CD99L2: variants seen among roughly 807,000 people sequenced by gnomAD.
The protein encoded by CD99L2 is CD99 molecule like 2.
In CD99L2, 24 loss-of-function variants were observed where a neutral mutation model predicts 27.3. That is an observed-to-expected ratio of 0.88 (90% CI 0.64 to 1.24). The LOEUF (loss-of-function observed/expected upper bound fraction) is 1.24. Among genes scored for constraint, CD99L2 ranks in the 50% most tolerant of loss-of-function variants. The pLI is 0.00. For synonymous variants in CD99L2, 97 were observed against 87.9 expected (o/e 1.10, Z -0.58); for missense variants, 255 against 221.6 (o/e 1.15, Z -0.96).
At chrX:150,895,226 C>T (rs1471957338) in intron 1 of CD99L2, among the ~76,000 whole-genome samples, 5 of 111,305 alleles carry the variant, frequency 4.5e-5, no homozygotes, top group Middle Eastern at 9.3e-3. Context: ...AAGATTACTA[C>T]CCATCCACAT....
chrX:150,780,514 G>C (rs1831431747), intron 7 of CD99L2, among the ~76,000 whole-genome samples: 1 of 112,062 alleles, frequency 8.9e-6, no homozygotes, highest in Non-Finnish European at 1.9e-5. Context: ...GTTCATCGCA[G>C]TATTCATAAA....
intron 1 of CD99L2, among the ~76,000 whole-genome samples, chrX:150,860,042 G>A (rs1022630462): frequency 9.0e-6 from 1 of 110,782 alleles, no homozygotes; most frequent in Non-Finnish European, 1.9e-5. Context: ...AAAACTACAG[G>A]CCAATATCCC....
chrX:150,887,208 G>A (rs1251313755), intron 1 of CD99L2, among the ~76,000 whole-genome samples: 1 of 109,373 alleles, frequency 9.1e-6, no homozygotes, highest in Non-Finnish European at 1.9e-5. Context: ...CACTTTGGGA[G>A]GCCAAGGTGG....
chrX:150,832,095 T>C (rs1418688528), intron 1 of CD99L2, among the ~76,000 whole-genome samples: 2 of 111,998 alleles, frequency 1.8e-5, no homozygotes, highest in East Asian at 2.8e-4. Flanking sequence ...AGCAACAAAA[T>C]ACACACTCTT....
chrX:150,787,610 T>C (rs1165993416), intron 7 of CD99L2, among the ~76,000 whole-genome samples: 1 of 108,790 alleles, frequency 9.2e-6, no homozygotes, highest in Non-Finnish European at 1.9e-5. Context: ...ATGGATAAAG[T>C]TGGAAACCAT....
chrX:150,862,982 T>C (rs1455231522), intron 1 of CD99L2, among the ~76,000 whole-genome samples: 1 of 112,862 alleles, frequency 8.9e-6, no homozygotes, highest in African/African-American at 3.2e-5. Context: ...CTATATCCTG[T>C]TCTGCTAAAC....
At chrX:150,867,648 C>T (rs1423565098) in intron 1 of CD99L2, among the ~76,000 whole-genome samples, 1 of 110,331 alleles carries the variant, frequency 9.1e-6, no homozygotes, top group Non-Finnish European at 1.9e-5. Context: ...AATCCCAGCA[C>T]TTTGGGAGGC....
rs1195688468 is a variant in CD99L2, at chrX:150,778,673, T to TA, written c.497-1192dup. Among the ~76,000 whole-genome samples, 193 of 67,919 alleles carry TA rather than the reference T, an allele frequency of 2.8e-3. 1 individual carries two copies. Among genetic ancestry groups the TA allele is most frequent in the Middle Eastern group, 0.015 (2 of 130 alleles). The allele number at this position is 67,919 out of a possible 115,157, so 59.0% of individuals were successfully genotyped here. A position where few individuals can be genotyped will look rare whatever the true frequency, so the allele number is the denominator to read the frequency against. On this transcript the variant is annotated intron_variant, in intron 7 of 10. Transcript: ENST00000370377. ...ATGTACCCTACAACTTAAAGTATAA[T>TA]AAAAAAAAAAAAATATATATATATA...
rs1354974938 is a variant in CD99L2 at position 150,898,649 on chromosome X, A to C, written c.-61T>G. The C allele has an allele frequency of 1.0e-6, 1 of 988,918 alleles. No homozygotes were observed. Among genetic ancestry groups the C allele is most frequent in the Admixed American group, 4.5e-5 (1 of 22,363 alleles). The allele number at this position is 988,918 out of a possible 1,213,427, so 81.5% of individuals were successfully genotyped here. A position where few individuals can be genotyped will look rare whatever the true frequency, so the allele number is the denominator to read the frequency against. ...GTTAGCGCGAGAGCGCCCGAAGGGGAGGCCGAGGAGGAGCGGGAGGAGGAG... is the reference window on the plus strand; with the variant it reads ...GTTAGCGCGAGAGCGCCCGAAGGGGCGGCCGAGGAGGAGCGGGAGGAGGAG... On this transcript the variant is annotated 5_prime_UTR_variant, in exon 1 of 11. Transcript: ENST00000370377.
intron 10 of CD99L2, among the ~76,000 whole-genome samples, chrX:150,769,700 TCCCCGA>T (rs2043396091): frequency 1.3e-5 from 1 of 78,506 alleles, no homozygotes; most frequent in Admixed American, 1.7e-4. Context: ...CCTCGGCTGC[TCCCCGA>T]CCCCAGCAAG....
At chrX:150,828,214 T>A (rs2046392526) in intron 2 of CD99L2, 1 of 111,778 alleles carries the variant, frequency 8.9e-6, no homozygotes, top group African/African-American at 3.3e-5. Flanking sequence ...TAGGTCTGCT[T>A]GACTCTTACA....
intron 2 of CD99L2, among the ~76,000 whole-genome samples, chrX:150,819,650 G>A (rs1329126755): frequency 1.8e-5 from 2 of 111,503 alleles, no homozygotes; most frequent in African/African-American, 3.2e-5. Flanking sequence ...GACCCAAATC[G>A]CTAATTTCAG....
At chrX:150,803,014 G>A (rs1196434371) in intron 4 of CD99L2, among the ~76,000 whole-genome samples, 5 of 99,709 alleles carry the variant, frequency 5.0e-5, no homozygotes, top group Admixed American at 2.3e-4. Context: ...TCCTGCCTCA[G>A]CCTCCTGAGT....
chrX:150,772,533 C>T (rs945387004), intron 9 of CD99L2, among the ~76,000 whole-genome samples: 1 of 112,813 alleles, frequency 8.9e-6, no homozygotes, highest in Non-Finnish European at 1.9e-5. Context: ...CCATGAAGGG[C>T]TTCCACTGCC....
chrX:150,868,128 T>TAA (rs2047100511), intron 1 of CD99L2, among the ~76,000 whole-genome samples: 2 of 103,445 alleles, frequency 1.9e-5, no homozygotes, highest in Non-Finnish European at 3.9e-5. Flanking sequence ...AATAATAATA[T>TAA]ATTGTATGGT....
At chrX:150,848,988 T>A (rs987496187) in intron 1 of CD99L2, among the ~76,000 whole-genome samples, 8 of 111,312 alleles carry the variant, frequency 7.2e-5, no homozygotes, top group Admixed American at 9.6e-5. Flanking sequence ...GGAGATCCTG[T>A]CTCCCCACCA....
rs782560201 is a variant in CD99L2 at position 150,827,150 on chromosome X, T to A, written c.130+4081A>T. Among the ~76,000 whole-genome samples, 7 of 111,015 alleles carry A rather than the reference T, an allele frequency of 6.3e-5. No individual in the cohort carries two copies. The South Asian group carries it at 2.7e-3, about 42-fold the overall frequency. On this transcript the variant is annotated intron_variant, in intron 2 of 10. Coordinates refer to ENST00000370377, the MANE Select transcript of CD99L2 (RefSeq NM_031462.4). ...ATAAATAAATAAAGGTCATTTACGA[T>A]ACAATCTCTGGCCTAGGTGGTTCAG...
intron 4 of CD99L2, among the ~76,000 whole-genome samples, chrX:150,802,621 G>A (rs1369430447): frequency 4.2e-5 from 4 of 95,520 alleles, no homozygotes; most frequent in African/African-American, 7.5e-5. Flanking sequence ...TCGCTCTGTC[G>A]CCCAGGCTGG....
At chrX:150,814,099 G>A (rs891093978) in intron 4 of CD99L2, among the ~76,000 whole-genome samples, 13 of 111,781 alleles carry the variant, frequency 1.2e-4, no homozygotes, top group Admixed American at 1.9e-4. Context: ...TTGGAAGCTC[G>A]AAAAACCTCA....
Sources: allele counts gnomAD v4.1 joint callset (sites outside exome capture counted in the v4.1 genomes callset), GRCh38; gene constraint gnomAD v4.1.1; transcripts MANE v1.5; gene names NCBI Gene and HGNC (gene_info 2026-07-23, HGNC 2026-07-21).